The following FBXL5 variants were observed in gnomAD, a reference collection of about 807,000 sequenced individuals.
FBXL5 encodes F-box and leucine rich repeat protein 5.
In FBXL5, 26 loss-of-function variants were observed where a neutral mutation model predicts 78.3. The ratio of observed to expected loss-of-function variants is 0.33; its 90% CI spans 0.24 to 0.46. The LOEUF (loss-of-function observed/expected upper bound fraction) is 0.46. Ranked by LOEUF, FBXL5 falls within the 20% of genes least tolerant of loss-of-function variation. The probability of loss-of-function intolerance (pLI) is 1.00; values close to 1 mark genes in which losing one functional copy is unlikely to be tolerated. For missense variants in FBXL5, 710 were observed against 829.2 expected (o/e 0.86, Z 1.77); for synonymous variants, 295 against 282.5 (o/e 1.04, Z -0.45).
chr4:15,619,897 T>C (rs903582543), intron 9 of FBXL5, among the ~76,000 whole-genome samples: 8 of 151,984 alleles, frequency 5.3e-5, no homozygotes, highest in Non-Finnish European at 1.0e-4. Context: ...CAGAAAACCC[T>C]AAAACCTGTT....
intron 1 of FBXL5, among the ~76,000 whole-genome samples, chr4:15,651,149 CTT>C (rs1715991315): frequency 1.3e-5 from 2 of 152,244 alleles, no homozygotes; most frequent in South Asian, 2.1e-4. Context: ...TCAAGGGAGA[CTT>C]ATACTCAGTG....
chr4:15,640,994 C>G (rs545452832), intron 2 of FBXL5, 111 bp from the exon 3 acceptor site: 1 of 531,916 alleles, frequency 1.9e-6, no homozygotes, highest in African/African-American at 2.1e-5. Flanking sequence ...AAAAAATAGA[C>G]AAATTGCAAA....
At chr4:15,644,039 C>T (rs757303766) in intron 2 of FBXL5, among the ~76,000 whole-genome samples, 1 of 152,184 alleles carries the variant, frequency 6.6e-6, no homozygotes, top group African/African-American at 2.4e-5. Flanking sequence ...TCGGCTTAGT[C>T]CAGTTTCAGC....
At position 15,604,600 on chromosome 4, in the gene FBXL5, TA is replaced by T. The variant is rs1158752668; in HGVS notation, c.*1122del. ...AGACTGGCTCAACGCAGAGTTGCCA[TA>T]AACCTTCCATTTGTAAAAAATGCAT... is the stretch of plus-strand genomic sequence containing the variant. On this transcript the variant is annotated 3_prime_UTR_variant, in exon 11 of 11. Coordinates refer to ENST00000341285, the MANE Select transcript of FBXL5 (RefSeq NM_012161.4). 2 of 152,264 alleles carry T rather than the reference TA, an allele frequency of 1.3e-5. No homozygotes were observed. Among genetic ancestry groups the T allele is most frequent in the Admixed American group, 6.5e-5 (1 of 15,300 alleles). 9.4% of individuals were successfully genotyped at this position (152,264 alleles called of 1,614,324 possible). A position where few individuals can be genotyped will look rare whatever the true frequency, so the allele number is the denominator to read the frequency against.
chr4:15,646,897 G>T (rs1186521397), intron 1 of FBXL5, among the ~76,000 whole-genome samples: 3 of 151,892 alleles, frequency 2.0e-5, no homozygotes, highest in African/African-American at 7.3e-5. Context: ...CAGCCTCCGT[G>T]GGGATGCAGA....
chr4:15,667,277 C>A (rs1717588826), intron 1 of FBXL5, among the ~76,000 whole-genome samples: 1 of 152,146 alleles, frequency 6.6e-6, no homozygotes, highest in South Asian at 2.1e-4. Context: ...GTACAAGTAC[C>A]TAGTCCAATG....
chr4:15,627,528 T>C (rs1312959175), intron 7 of FBXL5, among the ~76,000 whole-genome samples: 1 of 152,210 alleles, frequency 6.6e-6, no homozygotes, highest in Non-Finnish European at 1.5e-5. Context: ...ATATCCACTT[T>C]TATAAAACAG....
upstream of FBXL5, chr4:15,656,474 T>C: frequency 5.8e-6 from 2 of 343,400 alleles, no homozygotes; most frequent in East Asian, 7.5e-5. Context: ...TTCTCTATTA[T>C]CTATCACAGT....
chr4:15,624,010 G>A (rs540206678), intron 9 of FBXL5, among the ~76,000 whole-genome samples: 2 of 151,868 alleles, frequency 1.3e-5, no homozygotes, highest in African/African-American at 4.8e-5. Context: ...ATTTTTAGTA[G>A]AGATGGGGTT....
chr4:15,613,036 T>TA (rs1049151986), intron 9 of FBXL5, among the ~76,000 whole-genome samples: 36 of 152,168 alleles, frequency 2.4e-4, no homozygotes, highest in African/African-American at 7.0e-4. Flanking sequence ...TACTGACACA[T>TA]AGTATAACAT....
intron 9 of FBXL5, among the ~76,000 whole-genome samples, chr4:15,619,772 C>A (rs191047424): frequency 6.6e-6 from 1 of 152,144 alleles, no homozygotes; most frequent in Non-Finnish European, 1.5e-5. Flanking sequence ...CCTTTGAGCT[C>A]GGGAGTTTGA....
At chr4:15,678,050 C>T (rs569384944) in intron 1 of FBXL5, among the ~76,000 whole-genome samples, 38 of 152,096 alleles carry the variant, frequency 2.5e-4, no homozygotes, top group Non-Finnish European at 4.1e-4. Flanking sequence ...ATTAAATGGG[C>T]GGGTGGGTGT....
chr4:15,668,412 T>C (rs1179519387), intron 1 of FBXL5, among the ~76,000 whole-genome samples: 1 of 152,124 alleles, frequency 6.6e-6, no homozygotes, highest in East Asian at 1.9e-4. Flanking sequence ...GAGAAAAGTG[T>C]TGAGTTTTTA....
At chr4:15,642,564 T>C (rs180938407) in intron 2 of FBXL5, among the ~76,000 whole-genome samples, 341 of 152,286 alleles carry the variant, frequency 2.2e-3, no homozygotes, top group Middle Eastern at 3.4e-3. Context: ...ATGAAAATAT[T>C]TTATCTCTGT....
At chr4:15,613,599 T>C (rs1175698089) in intron 9 of FBXL5, among the ~76,000 whole-genome samples, 1 of 151,916 alleles carries the variant, frequency 6.6e-6, no homozygotes, top group Non-Finnish European at 1.5e-5. Flanking sequence ...AATCTCAAAC[T>C]TCTTGGAAGC....
intron 5 of FBXL5, among the ~76,000 whole-genome samples, chr4:15,632,111 T>C (rs1424801916): frequency 6.6e-6 from 1 of 152,220 alleles, no homozygotes; most frequent in African/African-American, 2.4e-5. Flanking sequence ...AAGGAAGGGA[T>C]CCAGTTTCAG....
At chr4:15,654,399 C>A (rs1716558586) in intron 1 of FBXL5, among the ~76,000 whole-genome samples, 1 of 152,184 alleles carries the variant, frequency 6.6e-6, no homozygotes, top group Admixed American at 6.5e-5. Context: ...CACAAAAGTG[C>A]CTCTTCAGCT....
chr4:15,639,558 ATT>A, intron 3 of FBXL5, among the ~76,000 whole-genome samples: 1 of 152,350 alleles, frequency 6.6e-6, no homozygotes, highest in East Asian at 1.9e-4. Flanking sequence ...TCAATCTCCA[ATT>A]TACAGAATTA....
intron 1 of FBXL5, among the ~76,000 whole-genome samples, chr4:15,675,180 A>G (rs546822843): frequency 6.6e-6 from 1 of 152,284 alleles, no homozygotes; most frequent in South Asian, 2.1e-4. Flanking sequence ...CACATAATTT[A>G]TAGAGGAAAG....
Sources: allele counts gnomAD v4.1 joint callset (sites outside exome capture counted in the v4.1 genomes callset), GRCh38; gene constraint gnomAD v4.1.1; transcripts MANE v1.5; gene names NCBI Gene and HGNC (gene_info 2026-07-23, HGNC 2026-07-21).